The following FHIT variants were observed in gnomAD, a reference collection of about 807,000 sequenced individuals.
FHIT encodes fragile histidine triad diadenosine triphosphatase, also known as bis(5'-adenosyl)-triphosphatase.
In FHIT, 19 loss-of-function variants were observed where a neutral mutation model predicts 17.9. The ratio of observed to expected loss-of-function variants is 1.06; its 90% CI spans 0.74 to 1.56. The LOEUF is 1.56. Among genes scored for constraint, FHIT ranks in the 40% most tolerant of loss-of-function variants. The pLI, the probability that FHIT is intolerant of heterozygous loss-of-function variation, is 0.00. For missense variants in FHIT, 248 were observed against 189.2 expected (o/e 1.31, Z -1.82); for synonymous variants, 81 against 69.7 (o/e 1.16, Z -0.81).
At chr3:59,964,824 T>C (rs1359262136) in intron 7 of FHIT, among the ~76,000 whole-genome samples, 1 of 152,194 alleles carries the variant, frequency 6.6e-6, no homozygotes, top group African/African-American at 2.4e-5. Flanking sequence ...AAAAGCCCTA[T>C]ATATCAAACC....
chr3:61,095,988 T>C (rs577334083), intron 2 of FHIT, among the ~76,000 whole-genome samples: 4 of 152,282 alleles, frequency 2.6e-5, no homozygotes, highest in Admixed American at 1.3e-4. Context: ...CCTAGAATAG[T>C]AGTGAAGAAA....
Position 60,301,841 on chromosome 3 carries a change from C to T in FHIT, c.103+235019G>A, listed in dbSNP as rs140944432. Among the ~76,000 whole-genome samples the T allele has an allele frequency of 8.0e-3, 1,213 of 152,168 alleles. 9 individuals are homozygous for T. The highest frequency in any genetic ancestry group is 0.037 in the Middle Eastern group (11 of 294). ...GATTACTCTTATTTTTCTGTAAGGACTGAAGTTCAAACAATAAAAATGCAC... is the reference window on the plus strand; with the variant it reads ...GATTACTCTTATTTTTCTGTAAGGATTGAAGTTCAAACAATAAAAATGCAC... On this transcript the variant is annotated intron_variant, in intron 5 of 9. Coordinates refer to ENST00000492590, the MANE Select transcript of FHIT (RefSeq NM_002012.4).
chr3:59,761,613 T>TTA (rs1333636560), intron 8 of FHIT, among the ~76,000 whole-genome samples: 5 of 150,962 alleles, frequency 3.3e-5, no homozygotes, highest in African/African-American at 9.7e-5. Context: ...TTTATTTTAT[T>TTA]TTTTTTTTTT....
At chr3:60,498,669 A>C (rs1394195635) in intron 5 of FHIT, among the ~76,000 whole-genome samples, 1 of 152,176 alleles carries the variant, frequency 6.6e-6, no homozygotes, top group Admixed American at 6.5e-5. Flanking sequence ...ACTCCACTGC[A>C]CTAGGCAAAG....
chr3:61,044,502 T>A (rs1202434284), intron 2 of FHIT, among the ~76,000 whole-genome samples: 1 of 152,016 alleles, frequency 6.6e-6, no homozygotes, highest in East Asian at 1.9e-4. Context: ...CAAATCTACA[T>A]CTGATTGGTG....
At chr3:61,210,510 C>G (rs911561842) in intron 1 of FHIT, among the ~76,000 whole-genome samples, 1 of 152,212 alleles carries the variant, frequency 6.6e-6, no homozygotes, top group African/African-American at 2.4e-5. Context: ...CAATGGCAGG[C>G]GCCCCTCCCC....
At chr3:61,030,382 A>G (rs2032953049) in intron 3 of FHIT, among the ~76,000 whole-genome samples, 2 of 152,252 alleles carry the variant, frequency 1.3e-5, no homozygotes. Flanking sequence ...CTGCAGTGTC[A>G]TTTATGGTAT....
chr3:61,106,645 T>G (rs76944696), intron 2 of FHIT, among the ~76,000 whole-genome samples: 1 of 152,134 alleles, frequency 6.6e-6, no homozygotes, highest in Non-Finnish European at 1.5e-5. Context: ...TATGCATTCA[T>G]CACATCTTTT....
intron 4 of FHIT, chr3:60,537,444 C>A: frequency 1.9e-5 from 19 of 980,160 alleles, no homozygotes; most frequent in Non-Finnish European, 2.3e-5. Context: ...AGAACAAGTA[C>A]GAACACTGTC....
intron 5 of FHIT, among the ~76,000 whole-genome samples, chr3:60,085,635 T>C (rs960313688): frequency 1.3e-5 from 2 of 152,202 alleles, no homozygotes; most frequent in Non-Finnish European, 2.9e-5. Flanking sequence ...ATATACAGTA[T>C]TCTTTAATAG....
chr3:60,845,747 C>T (rs1260122683), intron 3 of FHIT, among the ~76,000 whole-genome samples: 1 of 152,110 alleles, frequency 6.6e-6, no homozygotes, highest in Admixed American at 6.5e-5. Context: ...CATAAATTTT[C>T]AAGAGCTCTC....
At chr3:60,377,690 C>A (rs1168242040) in intron 5 of FHIT, among the ~76,000 whole-genome samples, 1 of 150,148 alleles carries the variant, frequency 6.7e-6, no homozygotes, top group Non-Finnish European at 1.5e-5. Context: ...ACCTTGTTAG[C>A]CAGGATGGTC....
intron 5 of FHIT, among the ~76,000 whole-genome samples, chr3:60,292,050 A>G (rs565537766): frequency 2.2e-4 from 33 of 152,186 alleles, no homozygotes; most frequent in Non-Finnish European, 3.7e-4. Flanking sequence ...AGAAATGACT[A>G]CCAACACCAG....
chr3:61,207,671 T>A (rs1319505540), intron 1 of FHIT, among the ~76,000 whole-genome samples: 1 of 152,206 alleles, frequency 6.6e-6, no homozygotes, highest in Non-Finnish European at 1.5e-5. Context: ...TGATATCCCC[T>A]TTATCATTTT....
intron 3 of FHIT, among the ~76,000 whole-genome samples, chr3:60,925,475 A>G (rs1553769603): frequency 6.6e-6 from 1 of 152,192 alleles, no homozygotes; most frequent in East Asian, 1.9e-4. Flanking sequence ...TCATAAGTGA[A>G]GGAGAAATAA....
At chr3:60,718,677 T>G (rs2107958091) in intron 4 of FHIT, among the ~76,000 whole-genome samples, 1 of 152,306 alleles carries the variant, frequency 6.6e-6, no homozygotes, top group Non-Finnish European at 1.5e-5. Flanking sequence ...CAGAATAGCA[T>G]TTCATAAACT....
At chr3:60,972,880 C>G (rs146745269) in intron 3 of FHIT, among the ~76,000 whole-genome samples, 1 of 152,118 alleles carries the variant, frequency 6.6e-6, no homozygotes, top group Non-Finnish European at 1.5e-5. Flanking sequence ...ATTACACTTA[C>G]TGTAATTTTA....
At chr3:60,034,221 T>A (rs1701117853) in intron 5 of FHIT, among the ~76,000 whole-genome samples, 1 of 152,248 alleles carries the variant, frequency 6.6e-6, no homozygotes, top group Admixed American at 6.5e-5. Context: ...CTAGTTGCCC[T>A]TTAACATCCC....
chr3:60,894,972 T>TTTC (rs1553761526), intron 3 of FHIT, among the ~76,000 whole-genome samples: 1 of 152,220 alleles, frequency 6.6e-6, no homozygotes, highest in Admixed American at 6.5e-5. Context: ...AATCAGGGAC[T>TTTC]TTAACGTTGA....
Sources: gnomAD v4.1 joint callset for allele counts (sites outside exome capture counted in the v4.1 genomes callset) on GRCh38, gnomAD v4.1.1 for gene constraint, MANE v1.5 for transcripts, NCBI Gene and HGNC (gene_info 2026-07-23, HGNC 2026-07-21) for gene names.